The following ITGB7 variants were observed in gnomAD, a reference collection of about 807,000 sequenced individuals.
ITGB7 encodes the protein integrin subunit beta 7.
In ITGB7, 55 loss-of-function variants were observed where a neutral mutation model predicts 83.4. The ratio of observed to expected loss-of-function variants is 0.66; its 90% CI spans 0.53 to 0.83. The LOEUF is 0.83. ITGB7 is among the 40% of genes least tolerant of loss of function. The pLI, the probability that ITGB7 is intolerant of heterozygous loss-of-function variation, is 0.00. For synonymous variants in ITGB7, 454 were observed against 423.6 expected (o/e 1.07, Z -0.88); for missense variants, 921 against 1,046.7 (o/e 0.88, Z 1.66).
intron 5 of ITGB7, 112 bp downstream of exon 5, chr12:53,197,381 C>G: frequency 7.9e-7 from 1 of 1,265,834 alleles, no homozygotes; most frequent in Non-Finnish European, 1.2e-6. Flanking sequence ...CTAGGCCTGT[C>G]AACAACTGGG....
chr12:53,200,493 C>G (rs1334692781), intron 2 of ITGB7, 47 bp from the exon 3 acceptor site: 2 of 1,518,182 alleles, frequency 1.3e-6, no homozygotes, highest in African/African-American at 2.7e-5. Context: ...AGGGAGGACT[C>G]TCAAACTCTC....
At chr12:53,204,455 A>C (rs1039925762) in intron 1 of ITGB7, among the ~76,000 whole-genome samples, 1 of 152,196 alleles carries the variant, frequency 6.6e-6, no homozygotes. Flanking sequence ...TGCTCAGTGA[A>C]CAAAACCATT....
rs148653765 is a variant in ITGB7 at position 53,197,590 on chromosome 12, G to A, written c.477C>T (p.Asp159=). 560 of 1,614,142 alleles carry A rather than the reference G, an allele frequency of 3.5e-4. No homozygotes were observed. The highest frequency in any genetic ancestry group is 8.2e-4 in the Admixed American group (49 of 60,030). Residue 159 remains aspartate (D), a synonymous_variant, in exon 5 of 16, where the codon GAC becomes GAT. Coordinates refer to ENST00000267082, the MANE Select transcript of ITGB7 (RefSeq NM_000889.3). ...GGTCGTCCTTCATGGAGTAGCTCAG[G>A]TCCATAAGGTAGTACAGGTCCACCG... The part of the protein sequence containing the change: ...GYPVDLYYLM[D]LSYSMKDDLE...
rs1257951069 is a variant in ITGB7 at position 53,193,757 on chromosome 12, CCTGGGG to C, written c.1447_1452del (p.Pro483_Gln484del). 2 of 1,613,868 alleles carry C rather than the reference CCTGGGG, an allele frequency of 1.2e-6. No individual in the cohort carries two copies. The highest frequency in any genetic ancestry group is 1.7e-6 in the Non-Finnish European group (2 of 1,179,984). ...CCCTGGCCATCACTGCAGTGGGGAG[CCTGGGG>C]CTGGGTGTCACTGCAATTACAGTCA... On this transcript the variant is annotated inframe_deletion, in exon 11 of 16. Transcript: ENST00000267082.
At chr12:53,193,656 G>C (rs1031142188) in intron 11 of ITGB7, 52 bp downstream of exon 11, 3 of 1,488,466 alleles carry the variant, frequency 2.0e-6, no homozygotes, top group Admixed American at 1.9e-5. Context: ...TACGGGCCAG[G>C]GTTGGTTGGT....
rs754597509 is a variant in ITGB7, at chr12:53,192,382, CAAG to C, written c.2100_2102del (p.Phe700del). The C allele has an allele frequency of 1.9e-5, 30 of 1,614,030 alleles. No individual in the cohort carries two copies. Among genetic ancestry groups the C allele is most frequent in the South Asian group, 1.6e-4 (15 of 91,082 alleles). ...CCGTGCCTCTGGCGTCATCCTCCAC[CAAG>C]AAGAAGAACAGCTGGTTGTCCAGGG... On this transcript the variant is annotated inframe_deletion, in exon 14 of 16. Transcript: ENST00000267082.
intron 9 of ITGB7, chr12:53,194,697 C>T (rs1021297020): frequency 1.4e-4 from 29 of 207,858 alleles, no homozygotes; most frequent in African/African-American, 6.6e-4. Context: ...AGATTCATTA[C>T]AGAGTTTATC....
intron 2 of ITGB7, among the ~76,000 whole-genome samples, 181 bp downstream of exon 2, chr12:53,200,891 T>C (rs552685802): frequency 1.3e-5 from 2 of 151,136 alleles, no homozygotes; most frequent in East Asian, 3.9e-4. Context: ...ATCACACCAC[T>C]GCACACCAGC....
rs747022308 is a variant in ITGB7, at chr12:53,192,711, C to T, written c.1926G>A (p.Lys642=). 1.2e-6 allele frequency: 2 copies of T among 1,614,124 alleles called. No individual in the cohort carries two copies. Among genetic ancestry groups the T allele is most frequent in the Non-Finnish European group, 1.7e-6 (2 of 1,180,000 alleles). The stretch of plus-strand genomic sequence containing the variant: ...CTCACCGGTGTCTCTCGCATGGTGT[C>T]TTGCAGCCTGGGCATTGGTCGCATA... ...GALCDQCPGC[K]TPCERHRDCA... is the part of the protein sequence containing the mutation. Residue 642 remains lysine (K), a synonymous_variant, in exon 13 of 16, where the codon AAG becomes AAA. Transcript: ENST00000267082.
At chr12:53,201,804 G>A (rs1340927140) in intron 1 of ITGB7, among the ~76,000 whole-genome samples, 1 of 151,964 alleles carries the variant, frequency 6.6e-6, no homozygotes, top group Non-Finnish European at 1.5e-5. Context: ...TCCCAGTGCT[G>A]GTGAGAAGAC....
chr12:53,197,888 G>C lies in ITGB7; in HGVS notation c.265C>G (p.Arg89Gly). The change falls in exon 4 of 16, where the codon CGA becomes GGA. Residue 89 changes from arginine to glycine, a missense_variant. Arg to Gly is a moderately radical substitution (Grantham distance 125, BLOSUM62 -2). Transcript: ENST00000267082. ...RCARREELLA[R>G]GCPLEELEEP... Reference sequence around the variant, plus strand: ...TCCAGCTCCTCCAGCGGGCAGCCTCGAGCCAGCAGCTCCTCTCGTCGGGCG... The same window carrying C: ...TCCAGCTCCTCCAGCGGGCAGCCTCCAGCCAGCAGCTCCTCTCGTCGGGCG... The C allele has an allele frequency of 1.3e-6, 2 of 1,539,182 alleles. No homozygotes were observed. The highest frequency in any genetic ancestry group is 1.7e-6 in the Non-Finnish European group (2 of 1,149,612).
intron 1 of ITGB7, among the ~76,000 whole-genome samples, chr12:53,205,831 G>A (rs1358834489): frequency 6.6e-6 from 1 of 152,108 alleles, no homozygotes; most frequent in East Asian, 1.9e-4. Flanking sequence ...TGAATGTCCT[G>A]GTCCTGCTCC....
chr12:53,197,819 T>G lies in ITGB7; in HGVS notation c.334A>C (p.Ser112Arg). 6.5e-7 allele frequency: 1 copy of G among 1,536,740 alleles called. No homozygotes were observed. The highest frequency in any genetic ancestry group is 2.4e-5 in the East Asian group (1 of 40,900). The change falls in exon 4 of 16, where the codon AGC (serine) becomes CGC (arginine). Residue 112 changes from serine to arginine, a missense_variant. Coordinates refer to ENST00000267082, the MANE Select transcript of ITGB7 (RefSeq NM_000889.3). ...QQEVLQDQPL[S>R]QGARGEGATQ... Reference sequence around the variant, plus strand: ...GCACCCTCTCCGCGGGCGCCCTGGCTGAGCGGCTGGTCCTGCAGCACCTCC... The same window carrying G: ...GCACCCTCTCCGCGGGCGCCCTGGCGGAGCGGCTGGTCCTGCAGCACCTCC...
Position 53,196,055 on chromosome 12 carries a change from G to A in ITGB7, c.961C>T (p.Arg321Cys), listed in dbSNP as rs751491864. 4.3e-6 allele frequency: 7 copies of A among 1,614,080 alleles called. No homozygotes were observed. The highest frequency in any genetic ancestry group is 1.7e-5 in the Admixed American group (1 of 60,018). The change falls in exon 7 of 16, where the codon CGC becomes TGC. Residue 321 changes from arginine to cysteine, a missense_variant. Transcript: ENST00000267082. Reference sequence around the variant, plus strand: ...TAGGGACTCACAAACTCTGTGCTGCGACTGTAGAGGCCATTGCTGTCCAAG... The same window carrying A: ...TAGGGACTCACAAACTCTGTGCTGCAACTGTAGAGGCCATTGCTGTCCAAG... ...CHLDSNGLYSRSTEFDYPSVG... is the reference protein window; with the variant it reads ...CHLDSNGLYSCSTEFDYPSVG...
In ITGB7 at chr12:53,194,605, G is replaced by A. The variant is rs1942092776; in HGVS notation, c.1162-261C>T. The A allele has an allele frequency of 1.2e-5, 5 of 416,292 alleles. No homozygotes were observed. The South Asian group carries it at 1.4e-4, about 12-fold the overall frequency. 25.8% of individuals were successfully genotyped at this position (416,292 alleles called of 1,614,324 possible). ...GCCACTGAGGGTCACAGGCTGGCCA[G>A]GTGCTGTAAATGTACAGAGACCATG... On this transcript the variant is annotated intron_variant, in intron 9 of 15. Coordinates refer to ENST00000267082, the MANE Select transcript of ITGB7 (RefSeq NM_000889.3).
intron 3 of ITGB7, among the ~76,000 whole-genome samples, chr12:53,199,803 T>C (rs1942279855): frequency 6.6e-6 from 1 of 152,088 alleles, no homozygotes; most frequent in Admixed American, 6.6e-5. Flanking sequence ...CTTCCCAGCT[T>C]CCAACATTAG....
chr12:53,195,387 A>T lies in ITGB7; in HGVS notation c.1148T>A (p.Met383Lys). The T allele has an allele frequency of 6.2e-7, 1 of 1,612,010 alleles. No individual in the cohort carries two copies. ...EDSSNVVQLI[M>K]DAYNSLSSTV... Reference sequence around the variant, plus strand: ...CTGGCCCCTCACATTATAAGCATCCATGATGAGCTGTACCACGTTGCTGGA... The same window carrying T: ...CTGGCCCCTCACATTATAAGCATCCTTGATGAGCTGTACCACGTTGCTGGA... The change falls in exon 9 of 16, where the codon ATG becomes AAG. Residue 383 changes from methionine (M) to lysine (K), a missense_variant. Coordinates refer to ENST00000267082, the MANE Select transcript of ITGB7 (RefSeq NM_000889.3).
intron 1 of ITGB7, 94 bp downstream of exon 1, chr12:53,207,108 A>G (rs1233154961): frequency 6.6e-6 from 1 of 152,658 alleles, no homozygotes; most frequent in Non-Finnish European, 1.5e-5. Flanking sequence ...GACCCTCGGT[A>G]TCCAGGTCAG....
chr12:53,192,584 C>A, intron 13 of ITGB7, 46 bp from the exon 14 acceptor site: 1 of 1,598,588 alleles, frequency 6.3e-7, no homozygotes, highest in Non-Finnish European at 8.6e-7. Flanking sequence ...AGTTGTCACC[C>A]AATGCCCCTT....
Sources: allele counts gnomAD v4.1 joint callset (sites outside exome capture counted in the v4.1 genomes callset), GRCh38; gene constraint gnomAD v4.1.1; transcripts MANE v1.5; gene names NCBI Gene and HGNC (gene_info 2026-07-23, HGNC 2026-07-21).